KANK1: variants seen among roughly 807,000 people sequenced by gnomAD.
KANK1 encodes KN motif and ankyrin repeat domains 1.
KANK1 carries 109 observed loss-of-function variants against 106.2 expected under a neutral mutation model. That is an observed-to-expected ratio of 1.03 (90% CI 0.88 to 1.20). The LOEUF (loss-of-function observed/expected upper bound fraction) is 1.20, where lower values mean the gene tolerates loss of function less well. Among genes scored for constraint, KANK1 ranks in the 50% most tolerant of loss-of-function variants. The probability of loss-of-function intolerance (pLI) is 0.00; values close to 1 mark genes in which losing one functional copy is unlikely to be tolerated. For missense variants in KANK1, 2,399 were observed against 1,710.7 expected, an observed-to-expected ratio of 1.40 and a Z score of -7.10; for synonymous variants, 873 against 652.2, an observed-to-expected ratio of 1.34 and a Z score of -5.16.
At chr9:604,875 A>G (rs1828697085) in intron 1 of KANK1, among the ~76,000 whole-genome samples, 1 of 151,896 alleles carries the variant, frequency 6.6e-6, no homozygotes. Flanking sequence ...CCAGCCATGC[A>G]GAACTGTGAG....
chr9:620,941 G>C (rs1044752395), intron 1 of KANK1, among the ~76,000 whole-genome samples: 1 of 152,068 alleles, frequency 6.6e-6, no homozygotes, highest in Non-Finnish European at 1.5e-5. Flanking sequence ...TTCCAGATTG[G>C]AAATTAGTCA....
chr9:547,398 C>T lies in KANK1; in HGVS notation c.-84+42644C>T, dbSNP rs540533990. 6 of 152,280 alleles carry T rather than the reference C, an allele frequency of 3.9e-5. 1 individual carries two copies. In the South Asian group the frequency reaches 8.3e-4, roughly 21 times the overall value. The allele number at this position is 152,280 out of a possible 1,614,324, so 9.4% of individuals were successfully genotyped here. A position where few individuals can be genotyped will look rare whatever the true frequency, so the allele number is the denominator to read the frequency against. On this transcript the variant is annotated intron_variant, in intron 1 of 11. Transcript: ENST00000382297. ...TTTTCAGAAATATTTTACCCCGCAA[C>T]GATGTGTAAATCTAAAGCCTGTGCA...
In KANK1 at chr9:569,917, C is replaced by T. The variant is rs141407861; in HGVS notation, c.-84+65163C>T. On this transcript the variant is annotated intron_variant, in intron 1 of 11. Coordinates refer to ENST00000382297, the MANE Select transcript of KANK1 (RefSeq NM_015158.5). Reference sequence around the variant, plus strand: ...TCTGTTCTCAACCTTCATCAGATTCCGTAACACTTGATACGTTGTAAGGTT... The same window carrying T: ...TCTGTTCTCAACCTTCATCAGATTCTGTAACACTTGATACGTTGTAAGGTT... 1.5e-3 allele frequency among the ~76,000 whole-genome samples: 235 copies of T among 152,028 alleles called. 2 individuals carry two copies. In the Middle Eastern group the frequency reaches 0.024, roughly 15 times the overall value.
chr9:621,483 C>G (rs567796993), intron 1 of KANK1, among the ~76,000 whole-genome samples: 4 of 152,234 alleles, frequency 2.6e-5, no homozygotes, highest in Non-Finnish European at 5.9e-5. Flanking sequence ...TGACCCATTA[C>G]TGCGGGAAAA....
At chr9:541,405 A>G (rs371138580) in intron 1 of KANK1, among the ~76,000 whole-genome samples, 3 of 152,194 alleles carry the variant, frequency 2.0e-5, no homozygotes, top group Non-Finnish European at 2.9e-5. Flanking sequence ...TTCTCACACC[A>G]TATACAAAAA....
At chr9:581,922 C>T (rs1025753328) in intron 1 of KANK1, among the ~76,000 whole-genome samples, 6 of 151,022 alleles carry the variant, frequency 4.0e-5, no homozygotes, top group Admixed American at 3.3e-4. Flanking sequence ...CAGAGTTTCA[C>T]AGTCATTCAC....
At chr9:508,194 A>G (rs370882169) in intron 1 of KANK1, among the ~76,000 whole-genome samples, 142 of 117,856 alleles carry the variant, frequency 1.2e-3, no homozygotes, top group Non-Finnish European at 2.0e-3. Flanking sequence ...GCTGGAGTGC[A>G]TTGGGGTGAT....
intron 1 of KANK1, among the ~76,000 whole-genome samples, chr9:670,918 T>C (rs1217277143): frequency 2.7e-5 from 4 of 150,532 alleles, no homozygotes; most frequent in African/African-American, 9.8e-5. Context: ...GTCACAGATA[T>C]GAAAATCTGA....
At position 730,202 on chromosome 9, in the gene KANK1, G is replaced by A. The variant is rs578135527; in HGVS notation, c.2850G>A (p.Leu950=). Residue 950 remains leucine, a synonymous_variant, in exon 4 of 12, where the codon CTG becomes CTA. Transcript: ENST00000382297. ...LDAFPTQEGT[L]SPVNLTDDQI... is the part of the protein sequence containing the mutation. ...CCTTCCCCACTCAGGAAGGTACGCT[G>A]TCTCCAGTGAACCTGACAGACGACC... The A allele has an allele frequency of 1.2e-6, 2 of 1,614,200 alleles. No homozygotes were observed. The highest frequency in any genetic ancestry group is 2.2e-5 in the East Asian group (1 of 44,882).
intron 1 of KANK1, among the ~76,000 whole-genome samples, chr9:531,377 G>T (rs1276101547): frequency 6.6e-6 from 1 of 152,158 alleles, no homozygotes; most frequent in East Asian, 1.9e-4. Flanking sequence ...GCTGCAGTGA[G>T]CTGTAATTGT....
intron 1 of KANK1, among the ~76,000 whole-genome samples, chr9:583,621 C>A (rs1002458785): frequency 6.6e-6 from 1 of 151,474 alleles, no homozygotes; most frequent in South Asian, 2.1e-4. Flanking sequence ...TCCTTGTAGG[C>A]AAAAGTTTCA....
chr9:593,839 C>G (rs1825579091), intron 1 of KANK1, among the ~76,000 whole-genome samples: 1 of 151,882 alleles, frequency 6.6e-6, no homozygotes, highest in African/African-American at 2.4e-5. Context: ...AGTAACTGGA[C>G]TTCTAGGGAA....
chr9:677,038 T>TA (rs772980244), intron 2 of KANK1, 29 bp downstream of exon 2: 3 of 1,600,158 alleles, frequency 1.9e-6, no homozygotes, highest in Non-Finnish European at 2.6e-6. Flanking sequence ...GTTTGTGTGT[T>TA]AAATGTATGT....
chr9:521,565 CTTT>C (rs35143391), intron 1 of KANK1, among the ~76,000 whole-genome samples: 16 of 118,746 alleles, frequency 1.3e-4, no homozygotes, highest in Non-Finnish European at 2.2e-4. Context: ...CCTCCAGATT[CTTT>C]TTTTTTTTTT....
At chr9:741,623 G>C (rs1021336292) in intron 9 of KANK1, among the ~76,000 whole-genome samples, 5 of 151,994 alleles carry the variant, frequency 3.3e-5, no homozygotes, top group Non-Finnish European at 5.9e-5. Context: ...AAGTAGCTGG[G>C]ACTACAGGCG....
intron 1 of KANK1, among the ~76,000 whole-genome samples, chr9:562,638 A>G (rs1816792794): frequency 6.6e-6 from 1 of 152,220 alleles, no homozygotes; most frequent in Admixed American, 6.5e-5. Context: ...AATACAAGTC[A>G]GAGAGTTACA....
At chr9:624,728 G>C (rs975203495) in intron 1 of KANK1, among the ~76,000 whole-genome samples, 38 of 152,184 alleles carry the variant, frequency 2.5e-4, no homozygotes, top group Admixed American at 2.5e-3. Context: ...GAACCTGGGA[G>C]GTGGAGGGTG....
intron 1 of KANK1, among the ~76,000 whole-genome samples, chr9:600,481 A>G (rs1342393054): frequency 6.6e-6 from 1 of 151,882 alleles, no homozygotes; most frequent in Admixed American, 6.6e-5. Flanking sequence ...TTCCCATACA[A>G]TGTGGTAACA....
intron 3 of KANK1, among the ~76,000 whole-genome samples, chr9:475,632 G>T (rs766249626): frequency 6.6e-6 from 1 of 152,020 alleles, no homozygotes; most frequent in Non-Finnish European, 1.5e-5. Context: ...TATATATTGT[G>T]ACTTTTTAGT....
Sources: gnomAD v4.1 joint callset for allele counts (sites outside exome capture counted in the v4.1 genomes callset) on GRCh38, gnomAD v4.1.1 for gene constraint, MANE v1.5 for transcripts, NCBI Gene and HGNC (gene_info 2026-07-23, HGNC 2026-07-21) for gene names.